The following DNAJC15 variants were observed in gnomAD, a reference collection of about 807,000 sequenced individuals.
The protein encoded by DNAJC15 is dnaJ homolog subfamily C member 15.
In DNAJC15, 27 loss-of-function variants were observed where a neutral mutation model predicts 22.4. The observed-to-expected ratio is 1.20, with a 90% CI of 0.89 to 1.66. The LOEUF is 1.66. Ranked by LOEUF, DNAJC15 falls within the 40% of genes most tolerant of loss-of-function variation. The pLI, the probability that DNAJC15 is intolerant of heterozygous loss-of-function variation, is 0.00. For missense variants in DNAJC15, 208 were observed against 187.1 expected (o/e 1.11, Z -0.65); for synonymous variants, 79 against 63.2 (o/e 1.25, Z -1.19).
chr13:43,023,716 C>A lies in DNAJC15; in HGVS notation c.90C>A (p.Asp30Glu). The A allele has an allele frequency of 2.5e-6, 4 of 1,610,782 alleles. No homozygotes were observed. The highest frequency in any genetic ancestry group is 3.4e-6 in the Non-Finnish European group (4 of 1,178,828). The change falls in exon 1 of 6, where the codon GAC (aspartate) becomes GAA (glutamate). Residue 30 changes from aspartate to glutamate, a missense_variant. Transcript: ENST00000379221. ...CCTCGGCCAAACGGCCAGACGCCGA[C>A]GTCGACCAGCAGAGACTGGTGAGTC... ...LQPSAKRPDA[D>E]VDQQRLVRSL...
chr13:43,046,467 C>T (rs569070935), intron 1 of DNAJC15, among the ~76,000 whole-genome samples: 6 of 151,938 alleles, frequency 3.9e-5, no homozygotes, highest in South Asian at 4.2e-4. Flanking sequence ...GGAAGGTGAC[C>T]GCACCTACCT....
At chr13:43,051,962 GATT>G (rs974385663) in intron 1 of DNAJC15, among the ~76,000 whole-genome samples, 3 of 151,842 alleles carry the variant, frequency 2.0e-5, no homozygotes, top group African/African-American at 4.8e-5. Flanking sequence ...ATTATTTTTT[GATT>G]ATTATTATTA....
At chr13:43,089,932 GT>G (rs1398997660) in intron 5 of DNAJC15, among the ~76,000 whole-genome samples, 1 of 152,178 alleles carries the variant, frequency 6.6e-6, no homozygotes, top group African/African-American at 2.4e-5. Flanking sequence ...ATATTGGTGG[GT>G]AAAACTGGTG....
At position 43,112,898 on chromosome 13, in the gene DNAJC15, T is replaced by A. The variant is rs538332733; in HGVS notation, c.*5650T>A. The A allele has an allele frequency of 6.6e-6, 1 of 152,238 alleles. No individual in the cohort carries two copies. Among genetic ancestry groups the A allele is most frequent in the African/African-American group, 2.4e-5 (1 of 41,460 alleles). 9.4% of individuals were successfully genotyped at this position (152,238 alleles called of 1,614,324 possible). ...GATGCATGTGACCTGGGATTATAAA[T>A]GTGAAATTAGGTTTACGAAAGGATC... On this transcript the variant is annotated 3_prime_UTR_variant, in exon 6 of 6. Transcript: ENST00000379221.
chr13:43,114,031 C>T lies in DNAJC15; in HGVS notation c.*6783C>T, dbSNP rs1027632360. On this transcript the variant is annotated 3_prime_UTR_variant, in exon 6 of 6. Coordinates refer to ENST00000379221, the MANE Select transcript of DNAJC15 (RefSeq NM_013238.3). ...TACATTCTTGTTTGGGCTTTCGTTTCTTCTTGTAAGCAGAGATTTTTTAAA... is the reference window on the plus strand; with the variant it reads ...TACATTCTTGTTTGGGCTTTCGTTTTTTCTTGTAAGCAGAGATTTTTTAAA... 6.6e-6 allele frequency: 1 copy of T among 152,132 alleles called. No individual in the cohort carries two copies. The highest frequency in any genetic ancestry group is 6.5e-5 in the Admixed American group (1 of 15,278). The allele number at this position is 152,132 out of a possible 1,614,324, so 9.4% of individuals were successfully genotyped here.
At chr13:43,095,417 G>A (rs1200725553) in intron 5 of DNAJC15, among the ~76,000 whole-genome samples, 1 of 152,158 alleles carries the variant, frequency 6.6e-6, no homozygotes, top group African/African-American at 2.4e-5. Flanking sequence ...ATACTGTGTT[G>A]ATGTTAAATG....
chr13:43,053,451 G>A (rs2040515016), intron 1 of DNAJC15, among the ~76,000 whole-genome samples: 1 of 152,082 alleles, frequency 6.6e-6, no homozygotes, highest in African/African-American at 2.4e-5. Flanking sequence ...GATGATGCTC[G>A]TATTTTGATG....
chr13:43,099,424 T>G (rs1200633860), intron 5 of DNAJC15, among the ~76,000 whole-genome samples: 1 of 152,202 alleles, frequency 6.6e-6, no homozygotes, highest in Admixed American at 6.5e-5. Context: ...CAATGTTGAC[T>G]AGGTTTATTA....
At chr13:43,030,062 G>A (rs1384668218) in intron 1 of DNAJC15, among the ~76,000 whole-genome samples, 2 of 152,122 alleles carry the variant, frequency 1.3e-5, no homozygotes, top group Non-Finnish European at 2.9e-5. Flanking sequence ...GGCCTAAAAT[G>A]TCAGTATCTA....
chr13:43,035,716 A>G (rs1173219443), intron 1 of DNAJC15, among the ~76,000 whole-genome samples: 1 of 151,956 alleles, frequency 6.6e-6, no homozygotes, highest in Non-Finnish European at 1.5e-5. Context: ...TTTATTTTTT[A>G]ATTTTAATAT....
chr13:43,068,130 C>T (rs2040592166), intron 2 of DNAJC15, among the ~76,000 whole-genome samples: 1 of 152,060 alleles, frequency 6.6e-6, no homozygotes, highest in Non-Finnish European at 1.5e-5. Context: ...GAATTAAAGC[C>T]TGTAGTGTCA....
At chr13:43,048,448 C>T (rs901111513) in intron 1 of DNAJC15, among the ~76,000 whole-genome samples, 7 of 152,214 alleles carry the variant, frequency 4.6e-5, no homozygotes, top group Non-Finnish European at 5.9e-5. Context: ...GCCGAGATTG[C>T]GCCATTGCGC....
At chr13:43,051,690 CTT>C (rs759729160) in intron 1 of DNAJC15, among the ~76,000 whole-genome samples, 1 of 151,420 alleles carries the variant, frequency 6.6e-6, no homozygotes, top group Non-Finnish European at 1.5e-5. Context: ...TTTATCCGCT[CTT>C]TGATGAGCAT....
intron 5 of DNAJC15, among the ~76,000 whole-genome samples, chr13:43,089,599 A>G (rs924167760): frequency 2.0e-5 from 3 of 152,210 alleles, no homozygotes; most frequent in Admixed American, 6.5e-5. Context: ...TAGGAATGTA[A>G]TAGGCAAATG....
chr13:43,034,556 C>G lies in DNAJC15; in HGVS notation c.108+10822C>G, dbSNP rs1057495770. On this transcript the variant is annotated intron_variant, in intron 1 of 5. Coordinates refer to ENST00000379221, the MANE Select transcript of DNAJC15 (RefSeq NM_013238.3). ...GGTCTTGTTCTCCTGACCTAGTGATCCGCCCGCCTCGGCCTCCCAAAGTGC... is the reference window on the plus strand; with the variant it reads ...GGTCTTGTTCTCCTGACCTAGTGATGCGCCCGCCTCGGCCTCCCAAAGTGC... Among the ~76,000 whole-genome samples, 9 of 151,936 alleles carry G rather than the reference C, an allele frequency of 5.9e-5. 1 individual carries two copies. The highest frequency in any genetic ancestry group is 1.9e-4 in the African/African-American group (8 of 41,480).
intron 3 of DNAJC15, among the ~76,000 whole-genome samples, chr13:43,071,551 G>A (rs2040609265): frequency 6.6e-6 from 1 of 152,122 alleles, no homozygotes; most frequent in African/African-American, 2.4e-5. Flanking sequence ...CATTTCCAGG[G>A]AAACTGAGAA....
rs989683837 is a variant in DNAJC15 at position 43,023,631 on chromosome 13, C to T, written c.5C>T (p.Ala2Val). M[A>V]ARGVIAPVGE... ...GAGTCTCCGGGCCGCCTTGCCATGG[C>T]TGCCCGTGGTGTCATCGCTCCAGTT... Residue 2 changes from alanine (A) to valine (V), a missense_variant, in exon 1 of 6, where the codon GCT becomes GTT. Coordinates refer to ENST00000379221, the MANE Select transcript of DNAJC15 (RefSeq NM_013238.3). 8.7e-6 allele frequency: 14 copies of T among 1,609,824 alleles called. No individual in the cohort carries two copies. In the African/African-American group the frequency reaches 1.5e-4, roughly 17 times the overall value.
intron 1 of DNAJC15, among the ~76,000 whole-genome samples, chr13:43,033,684 C>G (rs891215904): frequency 6.6e-6 from 1 of 151,980 alleles, no homozygotes; most frequent in Non-Finnish European, 1.5e-5. Flanking sequence ...AGGTGTTTTT[C>G]TCATGATTAT....
chr13:43,088,535 A>C (rs188049670), intron 5 of DNAJC15, among the ~76,000 whole-genome samples: 17 of 152,330 alleles, frequency 1.1e-4, no homozygotes, highest in African/African-American at 4.1e-4. Flanking sequence ...GAGATTCTCA[A>C]CCTTTTCCCA....
Sources: gnomAD v4.1 joint callset for allele counts (sites outside exome capture counted in the v4.1 genomes callset) on GRCh38, gnomAD v4.1.1 for gene constraint, MANE v1.5 for transcripts, NCBI Gene and HGNC (gene_info 2026-07-23, HGNC 2026-07-21) for gene names.